GABBR2: variants seen among roughly 807,000 people sequenced by gnomAD.
The protein encoded by GABBR2 is gamma-aminobutyric acid type B receptor subunit 2, also known as G-protein coupled receptor 51.
GABBR2 carries 23 observed loss-of-function variants against 105.6 expected under a neutral mutation model. That is an observed-to-expected ratio of 0.22 (90% CI 0.16 to 0.31). The LOEUF (loss-of-function observed/expected upper bound fraction) is 0.31, where lower values mean the gene tolerates loss of function less well. Ranked by LOEUF, GABBR2 falls within the 10% of genes least tolerant of loss-of-function variation. The pLI, the probability that GABBR2 is intolerant of heterozygous loss-of-function variation, is 1.00. For synonymous variants in GABBR2, 478 were observed against 499.7 expected, an observed-to-expected ratio of 0.96 and a Z score of 0.58; for missense variants, 734 against 1,245.5, an observed-to-expected ratio of 0.59 and a Z score of 6.18.
Position 98,436,345 on chromosome 9 carries a change from C to T in GABBR2, c.1236+17636G>A, listed in dbSNP as rs1588160181. 2.2e-3 allele frequency among the ~76,000 whole-genome samples: 98 copies of T among 44,940 alleles called. 8 individuals are homozygous for T. The highest frequency in any genetic ancestry group is 8.2e-3 in the East Asian group (6 of 734). The allele number at this position is 44,940 out of a possible 152,430, so 29.5% of individuals were successfully genotyped here. On this transcript the variant is annotated intron_variant, in intron 7 of 18. Transcript: ENST00000259455. ...ATATATATATATACACACACACACACACCATATATATATATATATATATAT... is the reference window on the plus strand; with the variant it reads ...ATATATATATATACACACACACACATACCATATATATATATATATATATAT...
At chr9:98,503,590 T>G (rs755480079) in intron 3 of GABBR2, among the ~76,000 whole-genome samples, 1 of 152,090 alleles carries the variant, frequency 6.6e-6, no homozygotes, top group Non-Finnish European at 1.5e-5. Context: ...CAAGAAGTGA[T>G]CGGCTTGGGG....
chr9:98,706,196 C>T (rs923731577), intron 1 of GABBR2, among the ~76,000 whole-genome samples: 3 of 151,804 alleles, frequency 2.0e-5, no homozygotes, highest in Admixed American at 6.6e-5. Context: ...GAGCACTGGC[C>T]GCTGAGCCTG....
Position 98,299,125 on chromosome 9 carries a change from C to T in GABBR2, c.2542+99G>A, listed in dbSNP as rs1234551000. 4.9e-6 allele frequency: 5 copies of T among 1,011,134 alleles called. No homozygotes were observed. In the East Asian group the frequency reaches 9.5e-5, roughly 19 times the overall value. The allele number at this position is 1,011,134 out of a possible 1,614,324, so 62.6% of individuals were successfully genotyped here. On this transcript the variant is annotated intron_variant, in intron 17 of 18. Coordinates refer to ENST00000259455, the MANE Select transcript of GABBR2 (RefSeq NM_005458.8). ...TGTGACTTCATACCAGTCCTGTGCCCTGTCTGAGCCTCAGTTTCTTCATCT... is the reference window on the plus strand; with the variant it reads ...TGTGACTTCATACCAGTCCTGTGCCTTGTCTGAGCCTCAGTTTCTTCATCT...
intron 3 of GABBR2, 94 bp from the exon 4 acceptor site, chr9:98,496,608 G>A: frequency 1.3e-6 from 1 of 792,476 alleles, no homozygotes; most frequent in Admixed American, 1.9e-5. Flanking sequence ...ATTGGGCAAA[G>A]CGATTTTCTC....
At chr9:98,390,373 C>CA (rs1773866139) in intron 9 of GABBR2, among the ~76,000 whole-genome samples, 1 of 38,730 alleles carries the variant, frequency 2.6e-5, no homozygotes, top group Non-Finnish European at 3.7e-5. Flanking sequence ...GACTCCATCT[C>CA]ACAAAAAAAA....
chr9:98,519,032 G>T (rs1012063431), intron 3 of GABBR2, among the ~76,000 whole-genome samples: 1 of 152,212 alleles, frequency 6.6e-6, no homozygotes, highest in African/African-American at 2.4e-5. Flanking sequence ...CAGGGAACAG[G>T]TATTTACTCT....
At chr9:98,541,779 T>C in intron 3 of GABBR2, 94 bp downstream of exon 3, 1 of 1,132,258 alleles carries the variant, frequency 8.8e-7, no homozygotes, top group Non-Finnish European at 1.3e-6. Context: ...AAAAGCCCTG[T>C]GACAGTACCC....
intron 3 of GABBR2, among the ~76,000 whole-genome samples, chr9:98,520,363 C>A (rs1827843189): frequency 2.0e-5 from 3 of 152,218 alleles, no homozygotes; most frequent in African/African-American, 4.8e-5. Context: ...CTCACGAAAC[C>A]CCAAGGGGGA....
At chr9:98,373,005 G>T (rs1831812191) in intron 11 of GABBR2, among the ~76,000 whole-genome samples, 1 of 151,566 alleles carries the variant, frequency 6.6e-6, no homozygotes, top group African/African-American at 2.4e-5. Context: ...GGAGAAATCA[G>T]ATGGGTAAAA....
At chr9:98,328,628 G>T (rs1228612566) in intron 13 of GABBR2, among the ~76,000 whole-genome samples, 1 of 152,208 alleles carries the variant, frequency 6.6e-6, no homozygotes, top group Non-Finnish European at 1.5e-5. Context: ...TATTAAAAAA[G>T]AATGAGCAGT....
At chr9:98,413,740 C>T (rs1305103537) in intron 7 of GABBR2, among the ~76,000 whole-genome samples, 1 of 152,138 alleles carries the variant, frequency 6.6e-6, no homozygotes, top group African/African-American at 2.4e-5. Context: ...TAGTGACCCT[C>T]CACAAAGCAT....
chr9:98,527,352 T>C (rs1048125534), intron 3 of GABBR2, among the ~76,000 whole-genome samples: 1 of 151,946 alleles, frequency 6.6e-6, no homozygotes, highest in Admixed American at 6.6e-5. Context: ...TTTACCACTA[T>C]GCAGTACCGC....
intron 10 of GABBR2, 125 bp from the exon 11 acceptor site, chr9:98,385,897 G>T: frequency 1.4e-6 from 1 of 729,558 alleles, no homozygotes; most frequent in Non-Finnish European, 2.3e-6. Context: ...GAGAGAAACA[G>T]AAATACGCCA....
At position 98,641,103 on chromosome 9, in the gene GABBR2, G is replaced by C. The variant is rs1588264849; in HGVS notation, c.322-63031C>G. ...ACAGAGTCTGATTCCAGAGGTCTGA[G>C]GTAGAACACAAAAATCTGTGGTTTG... On this transcript the variant is annotated intron_variant, in intron 1 of 18. Coordinates refer to ENST00000259455, the MANE Select transcript of GABBR2 (RefSeq NM_005458.8). 3.3e-5 allele frequency among the ~76,000 whole-genome samples: 5 copies of C among 150,558 alleles called. No individual in the cohort carries two copies. In the South Asian group the frequency reaches 1.1e-3, roughly 32 times the overall value.
chr9:98,512,827 T>A (rs994782065), intron 3 of GABBR2, among the ~76,000 whole-genome samples: 2 of 152,212 alleles, frequency 1.3e-5, no homozygotes, highest in African/African-American at 4.8e-5. Flanking sequence ...ATGGCCACAC[T>A]GCCCAAGGTA....
intron 3 of GABBR2, among the ~76,000 whole-genome samples, chr9:98,520,567 C>T (rs1168756982): frequency 6.6e-6 from 1 of 152,230 alleles, no homozygotes; most frequent in Non-Finnish European, 1.5e-5. Flanking sequence ...CCCCTCCCCA[C>T]AACGCCTGCT....
intron 1 of GABBR2, among the ~76,000 whole-genome samples, chr9:98,682,856 A>T (rs1830567145): frequency 6.6e-6 from 1 of 151,174 alleles, no homozygotes; most frequent in Non-Finnish European, 1.5e-5. Flanking sequence ...AAAGTTTATC[A>T]ACTGCCCAAT....
intron 1 of GABBR2, among the ~76,000 whole-genome samples, chr9:98,627,549 T>C (rs558276079): frequency 6.6e-6 from 1 of 152,332 alleles, no homozygotes; most frequent in African/African-American, 2.4e-5. Flanking sequence ...TTAGTCTCAT[T>C]AGGAAAATCT....
At position 98,289,930 on chromosome 9, in the gene GABBR2, AT is replaced by A. The variant is rs1830264431; in HGVS notation, c.*653del. The stretch of plus-strand genomic sequence containing the variant: ...TGTGGCATTTACCAGAGTAACAAAC[AT>A]CTCATTGGGTGACACAGGTCCCATG... On this transcript the variant is annotated 3_prime_UTR_variant, in exon 19 of 19. Coordinates refer to ENST00000259455, the MANE Select transcript of GABBR2 (RefSeq NM_005458.8). 1 of 152,482 alleles carries A rather than the reference AT, an allele frequency of 6.6e-6. No individual in the cohort carries two copies. The highest frequency in any genetic ancestry group is 2.1e-4 in the South Asian group (1 of 4,834). The allele number at this position is 152,482 out of a possible 1,614,324, so 9.4% of individuals were successfully genotyped here. A position where few individuals can be genotyped will look rare whatever the true frequency, so the allele number is the denominator to read the frequency against.
Sources: gnomAD v4.1 joint callset for allele counts (sites outside exome capture counted in the v4.1 genomes callset) on GRCh38, gnomAD v4.1.1 for gene constraint, MANE v1.5 for transcripts, NCBI Gene and HGNC (gene_info 2026-07-23, HGNC 2026-07-21) for gene names.